The following IPO11 variants were observed in gnomAD, a reference collection of about 807,000 sequenced individuals.
IPO11 encodes importin 11, also known as importin-11.
IPO11 carries 66 observed loss-of-function variants against 143.2 expected under a neutral mutation model. That is an observed-to-expected ratio of 0.46 (90% CI 0.38 to 0.57). The LOEUF is 0.57. Ranked by LOEUF, IPO11 falls within the 20% of genes least tolerant of loss-of-function variation. The pLI is 0.00. For synonymous variants in IPO11, 385 were observed against 377.8 expected, an observed-to-expected ratio of 1.02 and a Z score of -0.22; for missense variants, 1,026 against 1,141.0, an observed-to-expected ratio of 0.90 and a Z score of 1.45.
At chr5:62,492,739 T>A (rs1251965415) in intron 15 of IPO11, among the ~76,000 whole-genome samples, 2 of 152,066 alleles carry the variant, frequency 1.3e-5, no homozygotes, top group Non-Finnish European at 2.9e-5. Flanking sequence ...GGTTTTATCA[T>A]ATTGGCCAGG....
chr5:62,437,539 C>T, intron 2 of IPO11, 122 bp downstream of exon 2: 1 of 704,188 alleles, frequency 1.4e-6, no homozygotes. Flanking sequence ...GCTGCTGATG[C>T]CTTTGCCATT....
intron 24 of IPO11, among the ~76,000 whole-genome samples, chr5:62,545,185 C>G (rs1367251574): frequency 1.3e-5 from 2 of 152,174 alleles, no homozygotes; most frequent in Non-Finnish European, 2.9e-5. Context: ...ATCATGCTAC[C>G]TGACTTCAAA....
At chr5:62,564,969 G>T (rs1743884848) in intron 27 of IPO11, among the ~76,000 whole-genome samples, 1 of 152,104 alleles carries the variant, frequency 6.6e-6, no homozygotes, top group Non-Finnish European at 1.5e-5. Context: ...GTTACTAATA[G>T]TATCTTTCTA....
At chr5:62,544,659 T>C (rs1743090420) in intron 24 of IPO11, among the ~76,000 whole-genome samples, 1 of 152,168 alleles carries the variant, frequency 6.6e-6, no homozygotes, top group Non-Finnish European at 1.5e-5. Flanking sequence ...GGAAGTCAAA[T>C]TGTCCCTGTT....
intron 1 of IPO11, among the ~76,000 whole-genome samples, chr5:62,431,934 C>CACATACAT (rs57913836): frequency 0.082 from 12,190 of 148,590 alleles, 561 homozygotes; most frequent in East Asian, 0.12. Context: ...GAGCAAGACT[C>CACATACAT]ACATACATAC....
intron 1 of IPO11, among the ~76,000 whole-genome samples, chr5:62,423,015 G>A (rs1022673753): frequency 1.9e-4 from 29 of 152,260 alleles, no homozygotes; most frequent in African/African-American, 5.8e-4. Context: ...GGATTGGAGA[G>A]CGCAGGATTA....
intron 27 of IPO11, among the ~76,000 whole-genome samples, chr5:62,563,827 C>A (rs1455828556): frequency 1.3e-5 from 2 of 152,060 alleles, no homozygotes; most frequent in South Asian, 4.1e-4. Flanking sequence ...ATTAGGGATG[C>A]TCAATCTATC....
chr5:62,516,947 C>T (rs1742044458), intron 20 of IPO11, among the ~76,000 whole-genome samples: 1 of 151,434 alleles, frequency 6.6e-6, no homozygotes, highest in East Asian at 1.9e-4. Flanking sequence ...GCCTGTAATC[C>T]CAGCACTTTG....
At chr5:62,437,253 A>G (rs746936287) in intron 1 of IPO11, 21 bp from the exon 2 acceptor site, 20 of 1,573,872 alleles carry the variant, frequency 1.3e-5, no homozygotes, top group Middle Eastern at 1.7e-4. Flanking sequence ...ATATTCAAGT[A>G]TGTTAACTTA....
intron 27 of IPO11, chr5:62,580,481 T>C: frequency 6.4e-7 from 1 of 1,551,474 alleles, no homozygotes; most frequent in Non-Finnish European, 8.7e-7. Flanking sequence ...CTTAAGCCGT[T>C]GTCTTCATTG....
chr5:62,623,520 T>C (rs1340040805), intron 29 of IPO11, among the ~76,000 whole-genome samples: 2 of 151,850 alleles, frequency 1.3e-5, no homozygotes, highest in African/African-American at 4.8e-5. Flanking sequence ...GTCCATAGAG[T>C]GAAGTGGAAG....
In IPO11 at chr5:62,476,713, G is replaced by T; in HGVS notation, c.788G>T (p.Arg263Ile). The T allele has an allele frequency of 6.6e-7, 1 of 1,517,156 alleles. No individual in the cohort carries two copies. The highest frequency in any genetic ancestry group is 1.3e-5 in the South Asian group (1 of 76,202). The allele number at this position is 1,517,156 out of a possible 1,614,324, so 94.0% of individuals were successfully genotyped here. ...AGTATAGGTACAGATAATGTGTGTA[G>T]AGATAGACTGGAAAAGACCATCATT... ...SRSIGTDNVCRDRLEKTIILF... is the reference protein window; with the variant it reads ...SRSIGTDNVCIDRLEKTIILF... Residue 263 changes from arginine (R) to isoleucine (I), a missense_variant, in exon 9 of 30, where the codon AGA becomes ATA. Coordinates refer to ENST00000325324, the MANE Select transcript of IPO11 (RefSeq NM_016338.5).
At chr5:62,502,798 T>TTTTCC (rs1251002977) in intron 16 of IPO11, among the ~76,000 whole-genome samples, 11 of 150,966 alleles carry the variant, frequency 7.3e-5, no homozygotes, top group East Asian at 5.9e-4. Context: ...TTTTCTTTTC[T>TTTTCC]TTTCCTTTCC....
intron 27 of IPO11, among the ~76,000 whole-genome samples, chr5:62,590,855 A>T (rs1218317379): frequency 6.6e-6 from 1 of 152,136 alleles, no homozygotes; most frequent in African/African-American, 2.4e-5. Flanking sequence ...GGATGCTCAC[A>T]TGCCATCTGT....
At chr5:62,427,360 A>G (rs1743794823) in intron 1 of IPO11, among the ~76,000 whole-genome samples, 1 of 152,224 alleles carries the variant, frequency 6.6e-6, no homozygotes. Flanking sequence ...GAAAGCAAGC[A>G]AATAGCTTCT....
intron 1 of IPO11, among the ~76,000 whole-genome samples, chr5:62,422,845 A>T (rs1460186613): frequency 6.6e-6 from 1 of 152,146 alleles, no homozygotes; most frequent in Non-Finnish European, 1.5e-5. Context: ...CCACTATAAA[A>T]TATGCTTCAC....
intron 24 of IPO11, among the ~76,000 whole-genome samples, chr5:62,547,139 G>A (rs1482892019): frequency 6.6e-6 from 1 of 152,110 alleles, no homozygotes; most frequent in African/African-American, 2.4e-5. Context: ...TATTTCACAT[G>A]TACATCCCTG....
chr5:62,513,473 TC>T (rs1419880938), intron 19 of IPO11, among the ~76,000 whole-genome samples: 4 of 117,066 alleles, frequency 3.4e-5, no homozygotes, highest in Non-Finnish European at 5.3e-5. Flanking sequence ...GCTCCTCACT[TC>T]CCAGTAGGGG....
intron 1 of IPO11, among the ~76,000 whole-genome samples, chr5:62,434,442 A>G (rs1175632182): frequency 6.6e-6 from 1 of 152,014 alleles, no homozygotes; most frequent in Admixed American, 6.6e-5. Context: ...AGCTGGGACT[A>G]CAAGTGCACA....
Sources: gnomAD v4.1 joint callset for allele counts (sites outside exome capture counted in the v4.1 genomes callset) on GRCh38, gnomAD v4.1.1 for gene constraint, MANE v1.5 for transcripts, NCBI Gene and HGNC (gene_info 2026-07-23, HGNC 2026-07-21) for gene names.